The following SYTL3 variants were observed in gnomAD, a reference collection of about 807,000 sequenced individuals.
SYTL3 encodes the protein synaptotagmin-like protein 3.
Under a neutral mutation model 82.1 loss-of-function variants are expected in SYTL3, and 88 were observed. That is an observed-to-expected ratio of 1.07 (90% CI 0.90 to 1.28). The LOEUF (loss-of-function observed/expected upper bound fraction) is 1.28, where lower values mean the gene tolerates loss of function less well. SYTL3 is among the 50% of genes most tolerant of loss of function. The pLI, the probability that SYTL3 is intolerant of heterozygous loss-of-function variation, is 0.00. For missense variants in SYTL3, 831 were observed against 757.6 expected, an observed-to-expected ratio of 1.10 and a Z score of -1.14; for synonymous variants, 311 against 289.4, an observed-to-expected ratio of 1.07 and a Z score of -0.76.
At chr6:158,689,152 A>C (rs1394749055) in intron 6 of SYTL3, among the ~76,000 whole-genome samples, 2 of 152,226 alleles carry the variant, frequency 1.3e-5, no homozygotes, top group Admixed American at 1.3e-4. Context: ...AATGAGAATA[A>C]TGCAAAGAAT....
chr6:158,669,981 C>G (rs989395814), intron 5 of SYTL3, among the ~76,000 whole-genome samples: 3 of 152,144 alleles, frequency 2.0e-5, no homozygotes, highest in Non-Finnish European at 2.9e-5. Flanking sequence ...TGTTGTCATT[C>G]AGCATTTCAG....
intron 11 of SYTL3, among the ~76,000 whole-genome samples, chr6:158,729,269 T>C (rs1015824889): frequency 6.6e-6 from 1 of 152,132 alleles, no homozygotes; most frequent in Non-Finnish European, 1.5e-5. Flanking sequence ...AAGTTCAGGA[T>C]CTCAAGGCAT....
At chr6:158,724,424 A>C (rs1431644052) in intron 10 of SYTL3, among the ~76,000 whole-genome samples, 2 of 152,198 alleles carry the variant, frequency 1.3e-5, no homozygotes, top group African/African-American at 4.8e-5. Flanking sequence ...TGTATTTCTG[A>C]GTTCTGCTTT....
chr6:158,696,389 G>T (rs1780563655), intron 6 of SYTL3, among the ~76,000 whole-genome samples: 1 of 148,972 alleles, frequency 6.7e-6, no homozygotes, highest in Non-Finnish European at 1.5e-5. Flanking sequence ...TATTTTAGTA[G>T]AGATGGGGTT....
At chr6:158,704,862 C>G (rs369353825) in intron 6 of SYTL3, among the ~76,000 whole-genome samples, 1 of 36,324 alleles carries the variant, frequency 2.8e-5, no homozygotes, top group African/African-American at 6.2e-4. Flanking sequence ...GGACCCAGGG[C>G]AGGGTGACAG....
chr6:158,667,325 C>T (rs1790197128), intron 5 of SYTL3, among the ~76,000 whole-genome samples: 1 of 152,192 alleles, frequency 6.6e-6, no homozygotes, highest in South Asian at 2.1e-4. Context: ...CCCCAGCTTC[C>T]TTATTTTGAA....
At chr6:158,670,031 G>A (rs1448935238) in intron 5 of SYTL3, among the ~76,000 whole-genome samples, 2 of 152,218 alleles carry the variant, frequency 1.3e-5, no homozygotes, top group East Asian at 1.9e-4. Context: ...ACAGGATGAT[G>A]CATTGTATTT....
At chr6:158,697,551 A>G (rs1032890654) in intron 6 of SYTL3, among the ~76,000 whole-genome samples, 15 of 152,228 alleles carry the variant, frequency 9.9e-5, no homozygotes, top group African/African-American at 3.4e-4. Flanking sequence ...ATTGGACATC[A>G]TCAAAATGAA....
intron 9 of SYTL3, among the ~76,000 whole-genome samples, chr6:158,716,833 C>A (rs921018286): frequency 1.3e-5 from 2 of 152,140 alleles, no homozygotes; most frequent in Non-Finnish European, 2.9e-5. Flanking sequence ...TGCTCTTGAG[C>A]CCCTGAAATA....
upstream of SYTL3, chr6:158,649,958 A>G (rs550661838): frequency 1.3e-5 from 2 of 152,264 alleles, no homozygotes; most frequent in African/African-American, 4.8e-5. Context: ...CACAGGGTGC[A>G]CTGCGTCAGC....
At chr6:158,656,327 T>G (rs558559347) in intron 2 of SYTL3, among the ~76,000 whole-genome samples, 4 of 152,262 alleles carry the variant, frequency 2.6e-5, no homozygotes, top group Admixed American at 1.3e-4. Flanking sequence ...ACATCACTGC[T>G]GCTCTGGGTG....
chr6:158,704,592 G>A (rs1175308479), intron 6 of SYTL3, among the ~76,000 whole-genome samples: 1 of 152,270 alleles, frequency 6.6e-6, no homozygotes, highest in Non-Finnish European at 1.5e-5. Flanking sequence ...AGGGCAATAA[G>A]GGACAATTGG....
intron 6 of SYTL3, among the ~76,000 whole-genome samples, chr6:158,695,378 AG>A (rs34893586): frequency 0.051 from 7,710 of 152,302 alleles, 513 homozygotes; most frequent in African/African-American, 0.15. Context: ...TCATATGTTT[AG>A]ACAAAATTAC....
At chr6:158,665,729 C>A in intron 5 of SYTL3, 116 bp downstream of exon 5, 2 of 715,326 alleles carry the variant, frequency 2.8e-6, no homozygotes, top group Non-Finnish European at 4.6e-6. Context: ...TAAATGTGTA[C>A]CGAGTGCCTG....
intron 6 of SYTL3, among the ~76,000 whole-genome samples, chr6:158,692,790 AAAT>A (rs1780048198): frequency 1.4e-5 from 2 of 147,512 alleles, no homozygotes; most frequent in African/African-American, 5.2e-5. Context: ...AAAAAAAAAA[AAAT>A]ACAAAAAATT....
intron 11 of SYTL3, among the ~76,000 whole-genome samples, chr6:158,727,769 C>T (rs1042887634): frequency 6.8e-5 from 10 of 146,704 alleles, no homozygotes; most frequent in East Asian, 3.9e-4. Context: ...CTGTGACCTC[C>T]GCCTCCCAGG....
intron 13 of SYTL3, among the ~76,000 whole-genome samples, chr6:158,755,114 G>A (rs967524373): frequency 2.0e-5 from 3 of 152,190 alleles, no homozygotes; most frequent in Non-Finnish European, 2.9e-5. Flanking sequence ...AGGCTGAGAC[G>A]GGTGGAGGGC....
At position 158,730,774 on chromosome 6, in the gene SYTL3, G is replaced by A. The variant is rs141821971; in HGVS notation, c.855+5137G>A. Among the ~76,000 whole-genome samples the A allele has an allele frequency of 3.9e-4, 60 of 152,260 alleles. 3 individuals are homozygous for A. The East Asian group carries it at 0.011, about 28-fold the overall frequency. ...TCAGGACTAAGGAAAGAAAAGCTGCGGGGCGGTAAAGCATTCCTTGGTTAG... is the reference window on the plus strand; with the variant it reads ...TCAGGACTAAGGAAAGAAAAGCTGCAGGGCGGTAAAGCATTCCTTGGTTAG... On this transcript the variant is annotated intron_variant, in intron 11 of 17. Coordinates refer to ENST00000611299, the MANE Select transcript of SYTL3 (RefSeq NM_001242394.2).
intron 11 of SYTL3, among the ~76,000 whole-genome samples, chr6:158,729,321 T>C (rs1785112493): frequency 6.6e-6 from 1 of 152,148 alleles, no homozygotes; most frequent in Admixed American, 6.6e-5. Context: ...CATAGATGGC[T>C]CTAAGTCTCT....
Sources: allele counts gnomAD v4.1 joint callset (sites outside exome capture counted in the v4.1 genomes callset), GRCh38; gene constraint gnomAD v4.1.1; transcripts MANE v1.5; gene names NCBI Gene and HGNC (gene_info 2026-07-23, HGNC 2026-07-21).